JAKMIP2: variants seen among roughly 807,000 people sequenced by gnomAD.
The protein encoded by JAKMIP2 is janus kinase and microtubule interacting protein 2.
In JAKMIP2, 25 loss-of-function variants were observed where a neutral mutation model predicts 115.0. That is an observed-to-expected ratio of 0.22 (90% CI 0.16 to 0.30). The LOEUF (loss-of-function observed/expected upper bound fraction) is 0.30. Among genes scored for constraint, JAKMIP2 ranks in the 10% least tolerant of loss-of-function variants. JAKMIP2 has a pLI of 1.00. For missense variants in JAKMIP2, 642 were observed against 957.6 expected, an observed-to-expected ratio of 0.67 and a Z score of 4.35; for synonymous variants, 334 against 343.6, an observed-to-expected ratio of 0.97 and a Z score of 0.31.
chr5:147,643,872 T>TATATATAACCAAA (rs1757993869), intron 7 of JAKMIP2, among the ~76,000 whole-genome samples, 186 bp downstream of exon 7: 1 of 152,188 alleles, frequency 6.6e-6, no homozygotes, highest in Non-Finnish European at 1.5e-5. Context: ...AGGGTTATAA[T>TATATATAACCAAA]TTAAAAGGTG....
intron 20 of JAKMIP2, among the ~76,000 whole-genome samples, chr5:147,606,897 C>T (rs1011385323): frequency 6.6e-6 from 1 of 152,000 alleles, no homozygotes; most frequent in African/African-American, 2.4e-5. Flanking sequence ...TGGTCCTTCC[C>T]ACGTAAGTTG....
chr5:147,695,363 T>C (rs1752055994), intron 1 of JAKMIP2, among the ~76,000 whole-genome samples: 1 of 152,138 alleles, frequency 6.6e-6, no homozygotes, highest in Admixed American at 6.5e-5. Context: ...CAGACTTCCT[T>C]TTCATAGACT....
intron 18 of JAKMIP2, among the ~76,000 whole-genome samples, chr5:147,619,755 T>C (rs1756760163): frequency 6.6e-6 from 1 of 152,074 alleles, no homozygotes; most frequent in Non-Finnish European, 1.5e-5. Flanking sequence ...CCATTTACCA[T>C]GGAAGCCTCA....
chr5:147,756,811 C>T (rs1196554475), intron 1 of JAKMIP2, among the ~76,000 whole-genome samples: 3 of 151,954 alleles, frequency 2.0e-5, no homozygotes, highest in African/African-American at 7.3e-5. Context: ...CACAGGTGCA[C>T]AACAGAGAAC....
chr5:147,626,839 C>T (rs898182599), intron 16 of JAKMIP2, among the ~76,000 whole-genome samples: 2 of 152,138 alleles, frequency 1.3e-5, no homozygotes, highest in Admixed American at 1.3e-4. Context: ...TAGCCCTAAA[C>T]CCAGGCGATT....
At chr5:147,712,733 A>G (rs1306538307) in intron 1 of JAKMIP2, among the ~76,000 whole-genome samples, 1 of 152,170 alleles carries the variant, frequency 6.6e-6, no homozygotes, top group African/African-American at 2.4e-5. Flanking sequence ...TCGTAACCAC[A>G]CAGCACCCAG....
intron 1 of JAKMIP2, among the ~76,000 whole-genome samples, chr5:147,761,153 A>G (rs1407555776): frequency 6.6e-6 from 1 of 152,124 alleles, no homozygotes; most frequent in Non-Finnish European, 1.5e-5. Context: ...TTCTAAATCA[A>G]GGTGTTCCCA....
intron 1 of JAKMIP2, among the ~76,000 whole-genome samples, chr5:147,708,415 C>T (rs1752660075): frequency 6.6e-6 from 1 of 152,136 alleles, no homozygotes; most frequent in Non-Finnish European, 1.5e-5. Context: ...AGGAGGCTCC[C>T]AGGTCATTCT....
chr5:147,767,866 A>C (rs1414568594), intron 1 of JAKMIP2, among the ~76,000 whole-genome samples: 1 of 152,148 alleles, frequency 6.6e-6, no homozygotes, highest in Non-Finnish European at 1.5e-5. Context: ...ATAGTTACTA[A>C]GTGATGAAGT....
At chr5:147,645,850 T>G (rs1008443035) in intron 5 of JAKMIP2, among the ~76,000 whole-genome samples, 11 of 152,202 alleles carry the variant, frequency 7.2e-5, no homozygotes, top group African/African-American at 2.4e-4. Flanking sequence ...CGCCTGTAGT[T>G]GGGAACCACT....
intron 21 of JAKMIP2, among the ~76,000 whole-genome samples, chr5:147,593,723 C>T (rs1054785652): frequency 2.0e-5 from 3 of 152,132 alleles, no homozygotes; most frequent in African/African-American, 7.2e-5. Flanking sequence ...AAGACAGAGC[C>T]TGAGTGAAGA....
intron 1 of JAKMIP2, among the ~76,000 whole-genome samples, chr5:147,766,005 A>T (rs1755142546): frequency 6.6e-6 from 1 of 152,142 alleles, no homozygotes; most frequent in Non-Finnish European, 1.5e-5. Context: ...ATGCAGTTTT[A>T]TACTTTGTAG....
chr5:147,663,431 G>C (rs1002946035), intron 2 of JAKMIP2, among the ~76,000 whole-genome samples: 2 of 152,108 alleles, frequency 1.3e-5, no homozygotes, highest in African/African-American at 4.8e-5. Context: ...TCTTGTGCTG[G>C]ATGCCTCCTG....
chr5:147,753,490 C>T (rs1466078904), intron 1 of JAKMIP2, among the ~76,000 whole-genome samples: 2 of 152,194 alleles, frequency 1.3e-5, no homozygotes, highest in African/African-American at 4.8e-5. Context: ...CTTAAGTGAG[C>T]AATGGCTCCT....
chr5:147,675,437 C>G (rs1318022517), intron 1 of JAKMIP2, among the ~76,000 whole-genome samples: 2 of 151,808 alleles, frequency 1.3e-5, no homozygotes, highest in African/African-American at 2.4e-5. Flanking sequence ...TTCTCATACT[C>G]TAATTTTACT....
chr5:147,665,105 C>A (rs1759226291), intron 2 of JAKMIP2, among the ~76,000 whole-genome samples: 2 of 152,196 alleles, frequency 1.3e-5, no homozygotes, highest in African/African-American at 2.4e-5. Context: ...TGGAAGTGGG[C>A]ATCTTCTAGA....
At chr5:147,657,802 G>T (rs938510663) in intron 3 of JAKMIP2, among the ~76,000 whole-genome samples, 1 of 151,682 alleles carries the variant, frequency 6.6e-6, no homozygotes, top group South Asian at 2.1e-4. Flanking sequence ...TTTGGCTATC[G>T]ATACTTGTGT....
At chr5:147,598,076 G>A (rs1393384825) in intron 21 of JAKMIP2, among the ~76,000 whole-genome samples, 3 of 151,462 alleles carry the variant, frequency 2.0e-5, no homozygotes, top group African/African-American at 7.3e-5. Flanking sequence ...TCAGCTCACT[G>A]CAACCTCCAC....
intron 1 of JAKMIP2, among the ~76,000 whole-genome samples, chr5:147,673,492 A>G (rs1581392508): frequency 6.6e-6 from 1 of 152,212 alleles, no homozygotes; most frequent in East Asian, 1.9e-4. Context: ...CACTGAAGCT[A>G]TGCTCTTTGG....
Sources: allele counts gnomAD v4.1 joint callset (sites outside exome capture counted in the v4.1 genomes callset), GRCh38; gene constraint gnomAD v4.1.1; transcripts MANE v1.5; gene names NCBI Gene and HGNC (gene_info 2026-07-23, HGNC 2026-07-21).